The following DCPS variants were observed in gnomAD, a reference collection of about 807,000 sequenced individuals.
The protein encoded by DCPS is decapping enzyme, scavenger.
In DCPS, 27 loss-of-function variants were observed where a neutral mutation model predicts 34.7. That is an observed-to-expected ratio of 0.78 (90% confidence interval 0.57 to 1.07). The LOEUF is 1.07. Among genes scored for constraint, DCPS ranks in the 50% least tolerant of loss-of-function variants. The probability of loss-of-function intolerance (pLI) is 0.00; values close to 1 mark genes in which losing one functional copy is unlikely to be tolerated. For missense variants in DCPS, 464 were observed against 436.9 expected, an observed-to-expected ratio of 1.06 and a Z score of -0.55; for synonymous variants, 185 against 185.7, an observed-to-expected ratio of 1.00 and a Z score of 0.03.
rs747786581 is a variant in DCPS at position 126,322,596 on chromosome 11, CTTTT to C, written c.377-8797_377-8794del. 1.4e-5 allele frequency among the ~76,000 whole-genome samples: 2 copies of C among 137,932 alleles called. No homozygotes were observed. The highest frequency in any genetic ancestry group is 1.5e-4 in the Admixed American group (2 of 13,628). 90.5% of individuals were successfully genotyped at this position (137,932 alleles called of 152,430 possible). On this transcript the variant is annotated intron_variant, in intron 2 of 5. Coordinates refer to ENST00000263579, the MANE Select transcript of DCPS (RefSeq NM_014026.6). This position sits in a 1 kb window ranked among gnomAD's most constrained non-coding sequence, Gnocchi z 4.2. ...AGATTTTCTTTCTATCCTAAAATTC[CTTTT>C]TTTTTTTTTTTGAGACGAAGTCTCA...
At chr11:126,324,968 A>C (rs575361321) in intron 2 of DCPS, among the ~76,000 whole-genome samples, 27 of 152,262 alleles carry the variant, frequency 1.8e-4, no homozygotes, top group African/African-American at 6.0e-4. Flanking sequence ...GGATCACCTG[A>C]GGTCAGGAGT....
chr11:126,304,239 G>C lies in DCPS; in HGVS notation c.159G>C (p.Leu53=). The change falls in exon 1 of 6, where the codon CTG becomes CTC. Residue 53 remains leucine (L), a synonymous_variant. Transcript: ENST00000263579. ...PFSGFRLQKV[L]RESARDKIIF... is the part of the protein sequence containing the mutation. ...CCGGCTTCAGACTGCAGAAGGTGCT[G>C]AGGGAGTCTGCGCGGGACAAAATCA... 2 of 1,614,244 alleles carry C rather than the reference G, an allele frequency of 1.2e-6. No individual in the cohort carries two copies. The highest frequency in any genetic ancestry group is 1.7e-6 in the Non-Finnish European group (2 of 1,180,044).
In DCPS at chr11:126,331,589, C is replaced by T. The variant is rs199724627; in HGVS notation, c.522+39C>T. 3.3e-5 allele frequency: 53 copies of T among 1,606,402 alleles called. No homozygotes were observed. The African/African-American group carries it at 4.7e-4, about 14-fold the overall frequency. On this transcript the variant is annotated intron_variant, in intron 3 of 5. Transcript: ENST00000263579. The surrounding 1 kb of genome is among the most constrained non-coding windows in gnomAD (Gnocchi z 7.2). The stretch of plus-strand genomic sequence containing the variant: ...TGTCTCAGACGCAGAGCACTGCTCC[C>T]GTGGCTGGTGCCTCCTCTTACGAGT...
intron 2 of DCPS, among the ~76,000 whole-genome samples, chr11:126,314,695 C>G (rs1951645177): frequency 6.6e-6 from 1 of 152,070 alleles, no homozygotes; most frequent in African/African-American, 2.4e-5. Flanking sequence ...TTGCAGCAAC[C>G]TGGATGGAAT....
At position 126,331,186 on chromosome 11, in the gene DCPS, T is replaced by G. The variant is rs575234463; in HGVS notation, c.377-219T>G. 7.2e-4 allele frequency among the ~76,000 whole-genome samples: 109 copies of G among 152,190 alleles called. No individual in the cohort carries two copies. The highest frequency in any genetic ancestry group is 2.5e-3 in the African/African-American group (105 of 41,516). Reference sequence around the variant, plus strand: ...GATGAGGGGCCCAGTGACCCACAGGTAAGAACCTTGTGTTTTCCAGATTCT... The same window carrying G: ...GATGAGGGGCCCAGTGACCCACAGGGAAGAACCTTGTGTTTTCCAGATTCT... On this transcript the variant is annotated intron_variant, in intron 2 of 5. Coordinates refer to ENST00000263579, the MANE Select transcript of DCPS (RefSeq NM_014026.6). The surrounding 1 kb of genome is among the most constrained non-coding windows in gnomAD (Gnocchi z 7.2).
intron 2 of DCPS, among the ~76,000 whole-genome samples, chr11:126,309,300 C>T (rs755765754): frequency 6.6e-5 from 10 of 152,194 alleles, no homozygotes; most frequent in Non-Finnish European, 7.3e-5. Context: ...CAGGCATGAG[C>T]CGCTGCCCCT....
chr11:126,310,651 G>A (rs560455693), intron 2 of DCPS, among the ~76,000 whole-genome samples: 1 of 150,178 alleles, frequency 6.7e-6, no homozygotes, highest in South Asian at 2.1e-4. Context: ...TGTGGGCTGG[G>A]CATTCCACAG....
rs1387896687 is a variant in DCPS at position 126,338,236 on chromosome 11, C to T, written c.523-50C>T. 1.3e-6 allele frequency: 2 copies of T among 1,573,610 alleles called. No individual in the cohort carries two copies. The highest frequency in any genetic ancestry group is 1.7e-6 in the Non-Finnish European group (2 of 1,144,220). On this transcript the variant is annotated intron_variant, in intron 3 of 5. Coordinates refer to ENST00000263579, the MANE Select transcript of DCPS (RefSeq NM_014026.6). The surrounding 1 kb of genome is among the most constrained non-coding windows in gnomAD (Gnocchi z 5.4). ...CCTGAGCTCAGTTTGGGGTATCTCT[C>T]AAGGGGTGATGAGTGGATTTGTGAA...
At position 126,342,951 on chromosome 11, in the gene DCPS, T is replaced by C. The variant is rs1045299358; in HGVS notation, c.637-356T>C. ...AGAGCATGGTGGCACGCACCTGTAG[T>C]CCCAGCTACTTGGGAGGCTGAGGCA... On this transcript the variant is annotated intron_variant, in intron 4 of 5. Coordinates refer to ENST00000263579, the MANE Select transcript of DCPS (RefSeq NM_014026.6). The surrounding 1 kb of genome is among the most constrained non-coding windows in gnomAD (Gnocchi z 4.4). Among the ~76,000 whole-genome samples, 2 of 151,414 alleles carry C rather than the reference T, an allele frequency of 1.3e-5. No homozygotes were observed. Among genetic ancestry groups the C allele is most frequent in the Non-Finnish European group, 2.9e-5 (2 of 67,964 alleles).
rs1951653430 is a variant in DCPS at position 126,315,915 on chromosome 11, T to G, written c.376+9171T>G. On this transcript the variant is annotated intron_variant, in intron 2 of 5. Coordinates refer to ENST00000263579, the MANE Select transcript of DCPS (RefSeq NM_014026.6). The surrounding 1 kb of genome is among the most constrained non-coding windows in gnomAD (Gnocchi z 6.1). ...TTTTAGTAGAGACAGGGTTTCATCATGTTGGCCAGGCTATCTCAAACTCCT... is the reference window on the plus strand; with the variant it reads ...TTTTAGTAGAGACAGGGTTTCATCAGGTTGGCCAGGCTATCTCAAACTCCT... Among the ~76,000 whole-genome samples, 1 of 152,022 alleles carries G rather than the reference T, an allele frequency of 6.6e-6. No individual in the cohort carries two copies. The highest frequency in any genetic ancestry group is 1.5e-5 in the Non-Finnish European group (1 of 68,026).
rs1305017143 is a variant in DCPS at position 126,347,060 on chromosome 11, CAG to C, written c.*1450_*1451del. Among the ~76,000 whole-genome samples the C allele has an allele frequency of 6.6e-6, 1 of 151,096 alleles. No individual in the cohort carries two copies. The highest frequency in any genetic ancestry group is 1.5e-5 in the Non-Finnish European group (1 of 67,858). ...AGCCACCGCACTTTGGCCTGGGTGA[CAG>C]AGCAAGACTCCCTCTCAGAAAAAAA... On this transcript the variant is annotated 3_prime_UTR_variant, in exon 6 of 6. Transcript: ENST00000263579. The surrounding 1 kb of genome is among the most constrained non-coding windows in gnomAD (Gnocchi z 4.2).
In DCPS at chr11:126,325,424, G is replaced by A. The variant is rs1365714585; in HGVS notation, c.377-5981G>A. 6.6e-6 allele frequency among the ~76,000 whole-genome samples: 1 copy of A among 152,184 alleles called. No individual in the cohort carries two copies. The highest frequency in any genetic ancestry group is 1.5e-5 in the Non-Finnish European group (1 of 68,028). On this transcript the variant is annotated intron_variant, in intron 2 of 5. Coordinates refer to ENST00000263579, the MANE Select transcript of DCPS (RefSeq NM_014026.6). This position sits in a 1 kb window ranked among gnomAD's most constrained non-coding sequence, Gnocchi z 4.3. ...GTGTTTGTGCATGTGTGTGCATTTG[G>A]TGAAGGGATGGTAAAAAGAGATAAA...
rs1413901462 is a variant in DCPS at position 126,338,363 on chromosome 11, T to C, written c.600T>C (p.Phe200=). ...AGAACCCAGATCCCTCTGATGGTTT[T>C]GTCCTCATCCCTGACCTCAAGTGGA... ...VFENPDPSDG[F]VLIPDLKWNQ... The change falls in exon 4 of 6, where the codon TTT becomes TTC. Residue 200 remains phenylalanine, a synonymous_variant. Transcript: ENST00000263579. This position sits in a 1 kb window ranked among gnomAD's most constrained non-coding sequence, Gnocchi z 5.4. 6.2e-7 allele frequency: 1 copy of C among 1,614,224 alleles called. No individual in the cohort carries two copies. Among genetic ancestry groups the C allele is most frequent in the East Asian group, 2.2e-5 (1 of 44,884 alleles).
In DCPS at chr11:126,323,282, C is replaced by T. The variant is rs1951720301; in HGVS notation, c.377-8123C>T. Among the ~76,000 whole-genome samples, 1 of 152,222 alleles carries T rather than the reference C, an allele frequency of 6.6e-6. No individual in the cohort carries two copies. The highest frequency in any genetic ancestry group is 2.4e-5 in the African/African-American group (1 of 41,460). On this transcript the variant is annotated intron_variant, in intron 2 of 5. Transcript: ENST00000263579. This position sits in a 1 kb window ranked among gnomAD's most constrained non-coding sequence, Gnocchi z 4.4. ...AATTCTGTACTGTTACCAATAGTTACAAGAGACCTTTTTAATCCTCTTATC... is the reference window on the plus strand; with the variant it reads ...AATTCTGTACTGTTACCAATAGTTATAAGAGACCTTTTTAATCCTCTTATC...
intron 2 of DCPS, among the ~76,000 whole-genome samples, chr11:126,321,016 G>A (rs945738020): frequency 2.4e-4 from 36 of 152,012 alleles, no homozygotes; most frequent in Non-Finnish European, 7.4e-5. Context: ...AGCACTTTGG[G>A]AGGCTGAGGT....
In DCPS at chr11:126,330,379, A is replaced by C. The variant is rs576230298; in HGVS notation, c.377-1026A>C. On this transcript the variant is annotated intron_variant, in intron 2 of 5. Coordinates refer to ENST00000263579, the MANE Select transcript of DCPS (RefSeq NM_014026.6). Reference sequence around the variant, plus strand: ...GAGATTGAGAAACCCTGGATTAAACATCACAGCACTTATGTGGTGTTTACT... The same window carrying C: ...GAGATTGAGAAACCCTGGATTAAACCTCACAGCACTTATGTGGTGTTTACT... Among the ~76,000 whole-genome samples the C allele has an allele frequency of 5.9e-5, 9 of 152,304 alleles. No individual in the cohort carries two copies. In the South Asian group the frequency reaches 1.9e-3, roughly 32 times the overall value.
At chr11:126,330,542 G>A (rs1591388307) in intron 2 of DCPS, among the ~76,000 whole-genome samples, 1 of 151,444 alleles carries the variant, frequency 6.6e-6, no homozygotes, top group Non-Finnish European at 1.5e-5. Flanking sequence ...CAGCTGAACC[G>A]TGCTCCCGGG....
At position 126,348,085 on chromosome 11, in the gene DCPS, GATAA is replaced by G. The variant is rs1951954181; in HGVS notation, c.*2479_*2482del. Among the ~76,000 whole-genome samples, 3 of 152,236 alleles carry G rather than the reference GATAA, an allele frequency of 2.0e-5. No individual in the cohort carries two copies. The highest frequency in any genetic ancestry group is 1.3e-4 in the Admixed American group (2 of 15,296). ...GAAGGTGGGTAGGAATTTGACACCG[GATAA>G]ATAAATGTTTGAGGGGCAAGAGAGA... On this transcript the variant is annotated 3_prime_UTR_variant, in exon 6 of 6. Coordinates refer to ENST00000263579, the MANE Select transcript of DCPS (RefSeq NM_014026.6). This position sits in a 1 kb window ranked among gnomAD's most constrained non-coding sequence, Gnocchi z 5.3.
At chr11:126,318,248 A>T (rs1311931734) in intron 2 of DCPS, among the ~76,000 whole-genome samples, 1 of 152,232 alleles carries the variant, frequency 6.6e-6, no homozygotes, top group Non-Finnish European at 1.5e-5. Context: ...TGAAGTTTCC[A>T]GTAGGATCCT....
Sources: gnomAD v4.1 joint callset for allele counts (sites outside exome capture counted in the v4.1 genomes callset) on GRCh38, gnomAD v4.1.1 for gene constraint, Gnocchi (gnomAD v3.1) non-coding constraint, MANE v1.5 for transcripts, NCBI Gene and HGNC (gene_info 2026-07-23, HGNC 2026-07-21) for gene names.